Variants in SUMF1 observed in about 807,000 individuals in gnomAD.
SUMF1 encodes sulfatase modifying factor 1.
Under a neutral mutation model 47.6 loss-of-function variants are expected in SUMF1, and 48 were observed. The observed-to-expected ratio is 1.01, with a 90% CI of 0.80 to 1.28. The LOEUF is 1.28. Ranked by LOEUF, SUMF1 falls within the 50% of genes most tolerant of loss-of-function variation. The pLI is 0.00. For synonymous variants in SUMF1, 230 were observed against 192.1 expected (o/e 1.20, Z -1.63); for missense variants, 571 against 485.4 (o/e 1.18, Z -1.66).
chr3:4,212,453 G>A (rs1487797262), intron 8 of SUMF1, among the ~76,000 whole-genome samples: 2 of 152,076 alleles, frequency 1.3e-5, no homozygotes, highest in Non-Finnish European at 2.9e-5. Flanking sequence ...ACAAAAATGG[G>A]GAGAAACAAG....
intron 1 of SUMF1, among the ~76,000 whole-genome samples, chr3:4,464,706 A>T (rs1329754560): frequency 6.6e-6 from 1 of 152,260 alleles, no homozygotes; most frequent in Non-Finnish European, 1.5e-5. Context: ...AGTCATCTGC[A>T]CATGAACTAA....
chr3:4,326,196 T>C (rs536857003), intron 8 of SUMF1, among the ~76,000 whole-genome samples: 50 of 152,292 alleles, frequency 3.3e-4, no homozygotes, highest in African/African-American at 9.9e-4. Context: ...ACCAATTTAT[T>C]TGCAAAAAGT....
chr3:4,082,176 A>T (rs1447214171), intron 8 of SUMF1, among the ~76,000 whole-genome samples: 1 of 152,156 alleles, frequency 6.6e-6, no homozygotes, highest in Admixed American at 6.5e-5. Flanking sequence ...TCATTATTTT[A>T]AAAAAGTTAG....
At chr3:4,137,352 C>A (rs1351053451) in intron 8 of SUMF1, among the ~76,000 whole-genome samples, 1 of 151,946 alleles carries the variant, frequency 6.6e-6, no homozygotes, top group Non-Finnish European at 1.5e-5. Context: ...AACCATCATT[C>A]TCAGCAAACT....
chr3:4,197,801 C>T (rs182783592), intron 8 of SUMF1, among the ~76,000 whole-genome samples: 9 of 152,186 alleles, frequency 5.9e-5, no homozygotes, highest in Middle Eastern at 6.8e-3. Flanking sequence ...AAGCAAAACG[C>T]GCCTTGTGCA....
rs542954773 is a variant in SUMF1, at chr3:4,122,803, G to A, written c.1015-54058C>T. On this transcript the variant is annotated intron_variant and NMD_transcript_variant, in intron 8 of 12. Coordinates refer to the SUMF1 transcript ENST00000448413. The stretch of plus-strand genomic sequence containing the variant: ...AAGGGAAAACTGCCTTCAAAGCAGA[G>A]GAGTGTATTGGAACTGTTGCCCAGG... Among the ~76,000 whole-genome samples, 237 of 152,258 alleles carry A rather than the reference G, an allele frequency of 1.6e-3. 7 individuals are homozygous for A. The South Asian group carries it at 0.047, about 30-fold the overall frequency.
At chr3:4,301,631 C>T (rs1483467751) in intron 8 of SUMF1, among the ~76,000 whole-genome samples, 1 of 152,150 alleles carries the variant, frequency 6.6e-6, no homozygotes, top group Non-Finnish European at 1.5e-5. Flanking sequence ...ACGTCCTTAG[C>T]TATATGAGTC....
intron 9 of SUMF1, among the ~76,000 whole-genome samples, chr3:4,055,157 C>A (rs1237294325): frequency 3.3e-5 from 5 of 151,886 alleles, no homozygotes; most frequent in African/African-American, 9.7e-5. Flanking sequence ...AGTGAAAAGG[C>A]GTTAAGAATA....
chr3:4,376,268 A>C (rs1700324700), intron 8 of SUMF1, 62 bp downstream of exon 8: 1 of 1,584,670 alleles, frequency 6.3e-7, no homozygotes, highest in Admixed American at 1.7e-5. Context: ...TATCATTTAC[A>C]ATGGATCCAT....
chr3:4,226,264 C>CTTTTTTTTTTTTTTTTTTTTTTTTT (rs869300368), intron 8 of SUMF1, among the ~76,000 whole-genome samples: 2 of 86,986 alleles, frequency 2.3e-5, no homozygotes, highest in Non-Finnish European at 4.2e-5. Context: ...TTTTTTGTTT[C>CTTTTTTTTTTTTTTTTTTTTTTTTT]TTTTTTTTTT....
chr3:4,421,804 A>G (rs765800276), intron 3 of SUMF1, among the ~76,000 whole-genome samples: 13 of 152,172 alleles, frequency 8.5e-5, no homozygotes, highest in Non-Finnish European at 1.8e-4. Flanking sequence ...TTCTTCTAAT[A>G]CAAATACAAA....
At chr3:4,159,477 GT>G (rs764501067) in intron 8 of SUMF1, among the ~76,000 whole-genome samples, 1 of 146,164 alleles carries the variant, frequency 6.8e-6, no homozygotes, top group Non-Finnish European at 1.5e-5. Flanking sequence ...TAAACCTTTT[GT>G]TTTTTCTATT....
At chr3:4,383,954 G>A (rs183806243) in intron 7 of SUMF1, among the ~76,000 whole-genome samples, 2 of 152,312 alleles carry the variant, frequency 1.3e-5, no homozygotes, top group East Asian at 3.9e-4. Flanking sequence ...TAGTATTACT[G>A]TCATACATAT....
intron 8 of SUMF1, among the ~76,000 whole-genome samples, chr3:4,181,308 G>A (rs769511604): frequency 1.8e-4 from 27 of 152,124 alleles, no homozygotes; most frequent in Non-Finnish European, 7.4e-5. Context: ...TACAACACCC[G>A]GATGAACCCT....
intron 8 of SUMF1, among the ~76,000 whole-genome samples, chr3:4,192,278 T>C (rs1020568504): frequency 6.6e-6 from 1 of 152,096 alleles, no homozygotes; most frequent in African/African-American, 2.4e-5. Context: ...AGTCCTAAAC[T>C]TCCAGTTCCA....
intron 8 of SUMF1, among the ~76,000 whole-genome samples, chr3:4,197,802 G>A (rs202077387): frequency 3.3e-5 from 5 of 152,006 alleles, no homozygotes; most frequent in African/African-American, 7.2e-5. Context: ...AGCAAAACGC[G>A]CCTTGTGCAA....
At chr3:4,100,833 A>C (rs936663485) in intron 8 of SUMF1, among the ~76,000 whole-genome samples, 2 of 152,076 alleles carry the variant, frequency 1.3e-5, no homozygotes, top group African/African-American at 2.4e-5. Context: ...CCATTTAAAA[A>C]ATGGACAAAG....
chr3:4,174,793 G>C (rs150935886), intron 8 of SUMF1, among the ~76,000 whole-genome samples: 1 of 152,130 alleles, frequency 6.6e-6, no homozygotes, highest in Admixed American at 6.6e-5. Flanking sequence ...AAGGGAAGCC[G>C]TGACAGACTA....
chr3:4,121,651 C>G (rs369975812), intron 8 of SUMF1, among the ~76,000 whole-genome samples: 1 of 151,926 alleles, frequency 6.6e-6, no homozygotes, highest in African/African-American at 2.4e-5. Context: ...AGGTATATAC[C>G]CAAAAGAAGT....
Sources: allele counts gnomAD v4.1 joint callset (sites outside exome capture counted in the v4.1 genomes callset), GRCh38; gene constraint gnomAD v4.1.1; transcripts MANE v1.5; gene names NCBI Gene and HGNC (gene_info 2026-07-23, HGNC 2026-07-21).